The following GRIK2 variants were observed in gnomAD, a reference collection of about 807,000 sequenced individuals.
GRIK2 encodes the protein glutamate receptor ionotropic, kainate 2.
GRIK2 carries 32 observed loss-of-function variants against 100.3 expected under a neutral mutation model. That is an observed-to-expected ratio of 0.32 (90% CI 0.24 to 0.43). The LOEUF (loss-of-function observed/expected upper bound fraction) is 0.43, where lower values mean the gene tolerates loss of function less well. GRIK2 is among the 20% of genes least tolerant of loss of function. The pLI is 1.00. For missense variants in GRIK2, 843 were observed against 1,114.9 expected, an observed-to-expected ratio of 0.76 and a Z score of 3.47; for synonymous variants, 417 against 389.4, an observed-to-expected ratio of 1.07 and a Z score of -0.83.
intron 14 of GRIK2, among the ~76,000 whole-genome samples, chr6:102,022,360 TACACTC>T (rs1347746607): frequency 6.6e-6 from 1 of 151,702 alleles, no homozygotes; most frequent in Non-Finnish European, 1.5e-5. Context: ...AATACAGACA[TACACTC>T]ACAGGTACAC....
At chr6:101,897,258 C>T (rs1562472494) in intron 12 of GRIK2, among the ~76,000 whole-genome samples, 2 of 151,082 alleles carry the variant, frequency 1.3e-5, no homozygotes, top group Non-Finnish European at 3.0e-5. Context: ...TTTTTTTGGA[C>T]CAGAATAAAT....
chr6:101,602,385 T>G (rs1201894265), intron 2 of GRIK2, among the ~76,000 whole-genome samples: 1 of 151,406 alleles, frequency 6.6e-6, no homozygotes, highest in Non-Finnish European at 1.5e-5. Context: ...GCACTTTCAT[T>G]GTATATATAC....
intron 7 of GRIK2, among the ~76,000 whole-genome samples, chr6:101,725,521 C>T (rs1774799948): frequency 6.6e-6 from 1 of 151,932 alleles, no homozygotes; most frequent in Non-Finnish European, 1.5e-5. Context: ...ACAATAGACA[C>T]ATTGATTTAG....
intron 4 of GRIK2, among the ~76,000 whole-genome samples, chr6:101,667,697 A>G (rs917031106): frequency 6.6e-6 from 1 of 152,162 alleles, no homozygotes; most frequent in Non-Finnish European, 1.5e-5. Context: ...TATTATTATT[A>G]TGATTTTTGT....
chr6:101,643,169 A>G (rs1000684192), intron 4 of GRIK2, among the ~76,000 whole-genome samples: 6 of 151,368 alleles, frequency 4.0e-5, no homozygotes, highest in African/African-American at 1.5e-4. Flanking sequence ...CTTCTATTCC[A>G]TGGGTTGCTT....
intron 7 of GRIK2, among the ~76,000 whole-genome samples, chr6:101,710,287 C>T (rs902366399): frequency 3.3e-5 from 5 of 151,712 alleles, no homozygotes; most frequent in Non-Finnish European, 7.4e-5. Flanking sequence ...AGTCAGAAGC[C>T]TGCATTCTAG....
intron 14 of GRIK2, among the ~76,000 whole-genome samples, chr6:101,954,464 A>G (rs1447019970): frequency 6.6e-5 from 10 of 152,026 alleles, no homozygotes; most frequent in Middle Eastern, 3.2e-3. Flanking sequence ...TATTCTCTTC[A>G]ATACTATTAT....
intron 4 of GRIK2, among the ~76,000 whole-genome samples, chr6:101,676,397 T>C (rs1770842857): frequency 6.6e-6 from 1 of 152,084 alleles, no homozygotes; most frequent in Non-Finnish European, 1.5e-5. Flanking sequence ...GAAACAGGAA[T>C]TTCAAGTTGC....
In GRIK2 at chr6:101,776,903, G is replaced by A. The variant is rs1307402763; in HGVS notation, c.952-22745G>A. 2.0e-5 allele frequency among the ~76,000 whole-genome samples: 3 copies of A among 152,166 alleles called. No homozygotes were observed. In the East Asian group the frequency reaches 5.8e-4, roughly 29 times the overall value. On this transcript the variant is annotated intron_variant, in intron 7 of 16. Transcript: ENST00000369134. ...TCTCCCATTTAGGCTAACAGTGGGT[G>A]CAGAAGGGTTGAAGCATTATACTTT...
chr6:101,705,049 A>G (rs1773165642), intron 7 of GRIK2, among the ~76,000 whole-genome samples: 1 of 146,650 alleles, frequency 6.8e-6, no homozygotes, highest in Non-Finnish European at 1.5e-5. Context: ...ATATTTATAT[A>G]TTTATGAATG....
intron 7 of GRIK2, among the ~76,000 whole-genome samples, chr6:101,719,723 C>T (rs376971409): frequency 2.0e-5 from 3 of 151,884 alleles, no homozygotes; most frequent in Non-Finnish European, 4.4e-5. Flanking sequence ...GCATAGGAGG[C>T]GATTAAGGCC....
chr6:101,428,098 T>C (rs1469646791), intron 2 of GRIK2, among the ~76,000 whole-genome samples: 1 of 152,216 alleles, frequency 6.6e-6, no homozygotes, highest in East Asian at 1.9e-4. Flanking sequence ...ATCCACATTT[T>C]ATCACCTATG....
intron 2 of GRIK2, among the ~76,000 whole-genome samples, chr6:101,444,880 C>T (rs1770281815): frequency 6.6e-6 from 1 of 152,032 alleles, no homozygotes; most frequent in Non-Finnish European, 1.5e-5. Context: ...TTCTACAGGC[C>T]CCTGGGGCCA....
chr6:101,898,643 C>G (rs912301377), intron 12 of GRIK2, among the ~76,000 whole-genome samples: 10 of 151,734 alleles, frequency 6.6e-5, no homozygotes, highest in African/African-American at 2.4e-4. Context: ...AATGCTAACA[C>G]TTTTTCCCTG....
chr6:101,976,656 C>T (rs1793397210), intron 14 of GRIK2, among the ~76,000 whole-genome samples: 1 of 151,740 alleles, frequency 6.6e-6, no homozygotes, highest in Admixed American at 6.6e-5. Context: ...CACCACTGCA[C>T]TCCAACCTAG....
intron 2 of GRIK2, among the ~76,000 whole-genome samples, chr6:101,498,861 T>C (rs560655815): frequency 8.5e-4 from 129 of 152,326 alleles, no homozygotes; most frequent in African/African-American, 3.0e-3. Context: ...GTGCAGAAGC[T>C]CTTTAGTTTA....
At chr6:101,652,226 A>G (rs186927006) in intron 4 of GRIK2, among the ~76,000 whole-genome samples, 14 of 152,300 alleles carry the variant, frequency 9.2e-5, no homozygotes, top group Admixed American at 9.2e-4. Flanking sequence ...TATTGCACTT[A>G]GAGATGGGGC....
chr6:102,053,336 C>T (rs1335350052), intron 15 of GRIK2, among the ~76,000 whole-genome samples: 2 of 152,134 alleles, frequency 1.3e-5, no homozygotes, highest in Admixed American at 6.6e-5. Context: ...GATCTTTCAA[C>T]TGGCACCATG....
intron 7 of GRIK2, among the ~76,000 whole-genome samples, chr6:101,773,252 G>A (rs763779297): frequency 2.9e-4 from 44 of 152,086 alleles, no homozygotes; most frequent in African/African-American, 5.8e-4. Flanking sequence ...AGGCCGAGGC[G>A]GGCGGATCAC....
Sources: gnomAD v4.1 joint callset for allele counts (sites outside exome capture counted in the v4.1 genomes callset) on GRCh38, gnomAD v4.1.1 for gene constraint, MANE v1.5 for transcripts, NCBI Gene and HGNC (gene_info 2026-07-23, HGNC 2026-07-21) for gene names.